Variants in GSPT1 observed in about 807,000 individuals in gnomAD.
The protein encoded by GSPT1 is G1 to S phase transition 1.
Under a neutral mutation model 72.5 loss-of-function variants are expected in GSPT1, and 20 were observed. The ratio of observed to expected loss-of-function variants is 0.28; its 90% CI spans 0.19 to 0.40. GSPT1 has a LOEUF of 0.40. Among genes scored for constraint, GSPT1 ranks in the 10% least tolerant of loss-of-function variants. The pLI is 1.00. For missense variants in GSPT1, 580 were observed against 811.9 expected, an observed-to-expected ratio of 0.71 and a Z score of 3.47; for synonymous variants, 334 against 293.5, an observed-to-expected ratio of 1.14 and a Z score of -1.41.
Position 11,896,702 on chromosome 16 carries a change from A to G in GSPT1, c.520T>C (p.Ser174Pro), listed in dbSNP as rs373539326. 1 of 1,607,966 alleles carries G rather than the reference A, an allele frequency of 6.2e-7. No individual in the cohort carries two copies. The highest frequency in any genetic ancestry group is 1.3e-5 in the African/African-American group (1 of 74,970). ...EISEAEPGGG[S>P]LGDGRPPEES... ...TCTGGCGGCCTTCCATCTCCCAAGG[A>G]ACCACCCCCTGGCTCTGCTTCACTT... The change falls in exon 4 of 15, where the codon TCC (serine) becomes CCC (proline). Residue 174 changes from serine to proline, a missense_variant. Ser to Pro is a moderately conservative substitution (Grantham distance 74). Around this residue, in one of 6 missense-constraint regions of GSPT1, gnomAD observed 327 missense variants for 298.8 expected, o/e 1.09. Transcript: ENST00000434724.
intron 1 of GSPT1, among the ~76,000 whole-genome samples, chr16:11,904,550 A>AT (rs886512031): frequency 7.3e-5 from 11 of 151,376 alleles, no homozygotes; most frequent in Admixed American, 4.6e-4. Context: ...AGAGTGTACA[A>AT]TTTTTTTTTA....
chr16:11,897,952 C>T (rs1274108527), intron 2 of GSPT1, 42 bp downstream of exon 2: 4 of 1,465,048 alleles, frequency 2.7e-6, no homozygotes, highest in Admixed American at 2.0e-5. Flanking sequence ...TATAGACAAC[C>T]TAATGTTTTC....
Position 11,868,875 on chromosome 16 carries a change from A to G in GSPT1, c.*4244T>C, listed in dbSNP as rs1345832367. ...TGGTGTTTTCTGCCTAATCAGAAGTAGTACCAACCTGCTTTTCCCTTATAT... is the reference window on the plus strand; with the variant it reads ...TGGTGTTTTCTGCCTAATCAGAAGTGGTACCAACCTGCTTTTCCCTTATAT... On this transcript the variant is annotated 3_prime_UTR_variant, in exon 15 of 15. Transcript: ENST00000434724. The G allele has an allele frequency of 6.6e-6, 1 of 152,244 alleles. No individual in the cohort carries two copies. The highest frequency in any genetic ancestry group is 2.4e-5 in the African/African-American group (1 of 41,466). 9.4% of individuals were successfully genotyped at this position (152,244 alleles called of 1,614,324 possible).
In GSPT1 at chr16:11,872,039, T is replaced by C. The variant is rs2053985013; in HGVS notation, c.*1080A>G. On this transcript the variant is annotated 3_prime_UTR_variant, in exon 15 of 15. Coordinates refer to ENST00000434724, the MANE Select transcript of GSPT1 (RefSeq NM_002094.4). Reference sequence around the variant, plus strand: ...TCTGATGATTCTAAATATTTTCATTTAGTTGCTAGGTTGAGATTTAGCTTT... The same window carrying C: ...TCTGATGATTCTAAATATTTTCATTCAGTTGCTAGGTTGAGATTTAGCTTT... The C allele has an allele frequency of 6.6e-6, 1 of 152,232 alleles. No homozygotes were observed. The highest frequency in any genetic ancestry group is 6.5e-5 in the Admixed American group (1 of 15,286). The allele number at this position is 152,232 out of a possible 1,614,324, so 9.4% of individuals were successfully genotyped here.
At chr16:11,897,232 C>A (rs543427632) in intron 3 of GSPT1, among the ~76,000 whole-genome samples, 3 of 152,264 alleles carry the variant, frequency 2.0e-5, no homozygotes, top group Non-Finnish European at 4.4e-5. Context: ...TTTAATCACG[C>A]TGAGAACGTG....
Position 11,915,931 on chromosome 16 carries a change from C to CAACCCTCCTCCTCGTGTGTA in GSPT1, c.-212_-211insTACACACGAGGAGGAGGGTT. The stretch of plus-strand genomic sequence containing the variant: ...GACAGAGGCGGCGGCGGCGGCAGCT[C>CAACCCTCCTCCTCGTGTGTA]AACCCTCCTCCTCGTGTGTGTGAGC... On this transcript the variant is annotated 5_prime_UTR_variant, in exon 1 of 15. Transcript: ENST00000434724. 2 of 759,114 alleles carry CAACCCTCCTCCTCGTGTGTA rather than the reference C, an allele frequency of 2.6e-6. No individual in the cohort carries two copies. The highest frequency in any genetic ancestry group is 4.7e-6 in the Non-Finnish European group (2 of 421,290). 47.0% of individuals were successfully genotyped at this position (759,114 alleles called of 1,614,324 possible). A position where few individuals can be genotyped will look rare whatever the true frequency, so the allele number is the denominator to read the frequency against.
chr16:11,886,783 T>C lies in GSPT1; in HGVS notation c.1106A>G (p.Asn369Ser). Residue 369 changes from asparagine (N) to serine (S), a missense_variant, in exon 8 of 15, where the codon AAT (asparagine) becomes AGT (serine). Asn to Ser is a conservative substitution (Grantham distance 46, BLOSUM62 1). Coordinates refer to ENST00000434724, the MANE Select transcript of GSPT1 (RefSeq NM_002094.4). ...ACCAGACATCTACGCTCACCTCTCA[T>C]TGCTCCAATTTACTGTTGGATCATC... ...KMDDPTVNWS[N>S]ERYEECKEKL... 1.2e-6 allele frequency: 2 copies of C among 1,613,394 alleles called. No individual in the cohort carries two copies. Among genetic ancestry groups the C allele is most frequent in the South Asian group, 1.1e-5 (1 of 91,028 alleles).
rs1322365964 is a variant in GSPT1 at position 11,915,452 on chromosome 16, A to G, written c.269T>C (p.Leu90Pro). The G allele has an allele frequency of 6.5e-7, 1 of 1,542,444 alleles. No homozygotes were observed. The highest frequency in any genetic ancestry group is 8.7e-7 in the Non-Finnish European group (1 of 1,146,960). The change falls in exon 1 of 15, where the codon CTG (leucine) becomes CCG (proline). Residue 90 changes from leucine (L) to proline (P), a missense_variant. Around this residue, in one of 6 missense-constraint regions of GSPT1, gnomAD observed 327 missense variants for 298.8 expected, o/e 1.09. Transcript: ENST00000434724. ...VHAAEFVPSFLRGPAAPPPPV... is the reference protein window; with the variant it reads ...VHAAEFVPSFPRGPAAPPPPV... Reference sequence around the variant, plus strand: ...GGGTGGCGGCGCTGCCGGGCCCCGCAGGAAGGACGGCACGAACTCGGCGGC... The same window carrying G: ...GGGTGGCGGCGCTGCCGGGCCCCGCGGGAAGGACGGCACGAACTCGGCGGC...
chr16:11,872,397 A>G lies in GSPT1; in HGVS notation c.*722T>C, dbSNP rs571475336. ...ATAAATTGGCAAAAAAAAAAAAAATAAATAAATAACTAAAAGACCTAGTAA... is the reference window on the plus strand; with the variant it reads ...ATAAATTGGCAAAAAAAAAAAAAATGAATAAATAACTAAAAGACCTAGTAA... On this transcript the variant is annotated 3_prime_UTR_variant, in exon 15 of 15. Coordinates refer to ENST00000434724, the MANE Select transcript of GSPT1 (RefSeq NM_002094.4). The G allele has an allele frequency of 6.7e-6, 1 of 149,348 alleles. No homozygotes were observed. The highest frequency in any genetic ancestry group is 1.5e-5 in the Non-Finnish European group (1 of 67,786). 9.3% of individuals were successfully genotyped at this position (149,348 alleles called of 1,614,324 possible).
chr16:11,904,102 A>G (rs113541077), intron 1 of GSPT1: 1 of 231,442 alleles, frequency 4.3e-6, no homozygotes, highest in Non-Finnish European at 9.9e-6. Flanking sequence ...CCAGAAGGCC[A>G]CACATCTGAG....
chr16:11,879,826 A>G (rs1034072681), intron 11 of GSPT1, among the ~76,000 whole-genome samples: 13 of 152,200 alleles, frequency 8.5e-5, no homozygotes, highest in Non-Finnish European at 1.6e-4. Context: ...AAAATAACCA[A>G]TTTTTAATTT....
At chr16:11,899,611 T>C (rs2054380815) in intron 1 of GSPT1, among the ~76,000 whole-genome samples, 1 of 152,184 alleles carries the variant, frequency 6.6e-6, no homozygotes, top group African/African-American at 2.4e-5. Context: ...CATTTGAACC[T>C]GGTTTGGAAG....
At chr16:11,895,292 G>C (rs1039589197) in intron 4 of GSPT1, 1 of 210,950 alleles carries the variant, frequency 4.7e-6, no homozygotes, top group Admixed American at 5.4e-5. Context: ...TTAGCTAGGC[G>C]TGGTGGCGGC....
At chr16:11,879,599 G>A (rs142637892) in intron 11 of GSPT1, among the ~76,000 whole-genome samples, 1 of 151,806 alleles carries the variant, frequency 6.6e-6, no homozygotes, top group Admixed American at 6.6e-5. Flanking sequence ...TGGGCATGGT[G>A]GCACGTTCCT....
upstream of GSPT1, among the ~76,000 whole-genome samples, chr16:11,916,284 C>A (rs114416963): frequency 0.012 from 1,853 of 152,304 alleles, 37 homozygotes; most frequent in African/African-American, 0.043. Context: ...GGTGGGGGGG[C>A]AGCGGCAGGC....
chr16:11,905,107 G>T (rs904923465), intron 1 of GSPT1, among the ~76,000 whole-genome samples: 1 of 152,186 alleles, frequency 6.6e-6, no homozygotes, highest in Non-Finnish European at 1.5e-5. Flanking sequence ...GAGTGAAACT[G>T]TAGTTTTGTT....
intron 7 of GSPT1, 114 bp from the exon 8 acceptor site, chr16:11,887,045 A>G: frequency 1.3e-6 from 1 of 743,354 alleles, no homozygotes; most frequent in Admixed American, 3.0e-5. Context: ...TTTTGCAAGA[A>G]AATAGAAGCA....
intron 1 of GSPT1, among the ~76,000 whole-genome samples, chr16:11,913,343 G>C (rs2054584298): frequency 6.6e-6 from 1 of 152,162 alleles, no homozygotes; most frequent in Non-Finnish European, 1.5e-5. Flanking sequence ...GGTAAAGTCG[G>C]TAACACCAAA....
intron 1 of GSPT1, among the ~76,000 whole-genome samples, chr16:11,901,444 T>C (rs1378990273): frequency 6.6e-6 from 1 of 152,178 alleles, no homozygotes; most frequent in East Asian, 1.9e-4. Flanking sequence ...TCCAGTGTTA[T>C]CTCTATGTTT....
Sources: allele counts gnomAD v4.1 joint callset (sites outside exome capture counted in the v4.1 genomes callset), GRCh38; gene constraint gnomAD v4.1.1; regional missense constraint gnomAD v4.1.1; transcripts MANE v1.5; gene names NCBI Gene and HGNC (gene_info 2026-07-23, HGNC 2026-07-21).